KRT7: variants seen among roughly 807,000 people sequenced by gnomAD.
KRT7 encodes keratin 7, also known as keratin, type II cytoskeletal 7.
KRT7 carries 50 observed loss-of-function variants against 42.8 expected under a neutral mutation model. The observed-to-expected ratio is 1.17, with a 90% CI of 0.93 to 1.48. The LOEUF (loss-of-function observed/expected upper bound fraction) is 1.48, where lower values mean the gene tolerates loss of function less well. Among genes scored for constraint, KRT7 ranks in the 40% most tolerant of loss-of-function variants. The probability of loss-of-function intolerance (pLI) is 0.00; values close to 1 mark genes in which losing one functional copy is unlikely to be tolerated. For missense variants in KRT7, 588 were observed against 637.6 expected (o/e 0.92, Z 0.84); for synonymous variants, 268 against 266.3 (o/e 1.01, Z -0.06).
rs1485792364 is a variant in KRT7, at chr12:52,244,566, G to C, written c.985-846G>C. 3 of 985,696 alleles carry C rather than the reference G, an allele frequency of 3.0e-6. No individual in the cohort carries two copies. In the African/African-American group the frequency reaches 5.2e-5, roughly 17 times the overall value. The allele number at this position is 985,696 out of a possible 1,614,324, so 61.1% of individuals were successfully genotyped here. ...GAATGCTGTCTCTGGCAGAGAGGCA[G>C]ACTGCCTCCACTGAGGGAAGAGGAT... On this transcript the variant is annotated intron_variant, in intron 6 of 8. Coordinates refer to ENST00000331817, the MANE Select transcript of KRT7 (RefSeq NM_005556.4).
intron 3 of KRT7, 133 bp from the exon 4 acceptor site, chr12:52,238,547 A>C: frequency 1.5e-6 from 1 of 650,992 alleles, no homozygotes. Flanking sequence ...CAGCAGCTGT[A>C]GAAACTGTTT....
At chr12:52,253,798 A>C, downstream of KRT7, 1 of 635,346 alleles carries the variant, frequency 1.6e-6, no homozygotes, top group South Asian at 1.4e-5. Context: ...AGAGCTTCTT[A>C]GACCAGAGCC....
chr12:52,246,278 A>C, intron 7 of KRT7: 1 of 151,648 alleles, frequency 6.6e-6, no homozygotes, highest in Non-Finnish European at 1.5e-5. Flanking sequence ...TTCGAACTCA[A>C]CCTCTTCATT....
At chr12:52,236,291 T>TG (rs1480227925) in intron 2 of KRT7, among the ~76,000 whole-genome samples, 1 of 150,462 alleles carries the variant, frequency 6.6e-6, no homozygotes, top group Non-Finnish European at 1.5e-5. Context: ...AGGGAAGGTG[T>TG]GGGGCCATCA....
intron 6 of KRT7, 61 bp from the exon 7 acceptor site, chr12:52,245,351 G>T: frequency 1.3e-6 from 2 of 1,568,982 alleles, no homozygotes; most frequent in South Asian, 1.1e-5. Flanking sequence ...CTCACTGCAG[G>T]ATGGGCAGGC....
chr12:52,237,360 T>C, intron 2 of KRT7, 149 bp from the exon 3 acceptor site: 1 of 525,836 alleles, frequency 1.9e-6, no homozygotes, highest in Non-Finnish European at 3.4e-6. Flanking sequence ...CAGGGAAATT[T>C]GGTTTTGTAG....
At chr12:52,254,422 T>C (rs926729120), downstream of KRT7, 1 of 602,620 alleles carries the variant, frequency 1.7e-6, no homozygotes, top group Non-Finnish European at 3.2e-6. Flanking sequence ...AACCCTTGTT[T>C]TTTTCCTACC....
chr12:52,255,533 G>A (rs1394201215), downstream of KRT7: 8 of 430,412 alleles, frequency 1.9e-5, no homozygotes, highest in Non-Finnish European at 2.8e-5. Flanking sequence ...AAAAGTGTTG[G>A]ACTGAAGGGA....
chr12:52,236,205 C>CA (rs372503700), intron 2 of KRT7, among the ~76,000 whole-genome samples: 64 of 150,992 alleles, frequency 4.2e-4, no homozygotes, highest in South Asian at 1.5e-3. Context: ...GTGCCCCCCC[C>CA]CAACACTCCC....
chr12:52,251,568 G>C (rs986216278), downstream of KRT7, among the ~76,000 whole-genome samples: 24 of 152,206 alleles, frequency 1.6e-4, no homozygotes, highest in Non-Finnish European at 3.5e-4. Flanking sequence ...CTGTACTGAA[G>C]ACTAAAGGCA....
chr12:52,253,632 C>T (rs745994471), downstream of KRT7: 81 of 1,555,388 alleles, frequency 5.2e-5, no homozygotes, highest in Admixed American at 3.8e-4. Flanking sequence ...GGCCTCGGCC[C>T]GGCTGCGGGT....
At chr12:52,255,567 G>A (rs1942323743), downstream of KRT7, among the ~76,000 whole-genome samples, 1 of 152,168 alleles carries the variant, frequency 6.6e-6, no homozygotes, top group Non-Finnish European at 1.5e-5. Context: ...TTTCTTCTGG[G>A]CATTCAAACC....
intron 6 of KRT7, chr12:52,244,994 G>C (rs1364503869): frequency 5.1e-6 from 1 of 196,302 alleles, no homozygotes; most frequent in African/African-American, 2.4e-5. Context: ...TCCTGCAGCT[G>C]GGGGCTGGGG....
downstream of KRT7, chr12:52,251,632 A>G (rs1385855531): frequency 4.2e-6 from 1 of 239,722 alleles, no homozygotes; most frequent in Non-Finnish European, 8.2e-6. Flanking sequence ...AACCTAGGAA[A>G]GTAGAGTAAA....
intron 5 of KRT7, 56 bp from the exon 6 acceptor site, chr12:52,242,956 G>A (rs1942115477): frequency 6.5e-7 from 1 of 1,538,996 alleles, no homozygotes; most frequent in Middle Eastern, 1.8e-4. Flanking sequence ...AGAGGGATGA[G>A]TTACCTGTAC....
chr12:52,234,001 G>C (rs1249163816), intron 1 of KRT7, among the ~76,000 whole-genome samples: 1 of 152,152 alleles, frequency 6.6e-6, no homozygotes, highest in Non-Finnish European at 1.5e-5. Context: ...CCCTGAGAGA[G>C]GACCGTGTGG....
At chr12:52,254,346 G>T, downstream of KRT7, 1 of 841,640 alleles carries the variant, frequency 1.2e-6, no homozygotes. Flanking sequence ...GATTTGCGCA[G>T]GTAGGCACAG....
chr12:52,240,162 TAC>T (rs10604083), intron 4 of KRT7, among the ~76,000 whole-genome samples: 70,752 of 150,284 alleles, frequency 0.47, 16,728 homozygotes, highest in Non-Finnish European at 0.52. Context: ...CACACATGTG[TAC>T]ACACACACAC....
Position 52,243,089 on chromosome 12 carries a change from C to T in KRT7, c.936C>T (p.Asn312=), listed in dbSNP as rs1942117689. 3 of 1,613,844 alleles carry T rather than the reference C, an allele frequency of 1.9e-6. No individual in the cohort carries two copies. Residue 312 remains asparagine, a synonymous_variant, in exon 6 of 9, where the codon AAC becomes AAT. Coordinates refer to ENST00000331817, the MANE Select transcript of KRT7 (RefSeq NM_005556.4). ...CCCGGAATGAGATTTCAGAGATGAACCGGGCCATCCAGAGGCTGCAGGCTG... is the reference window on the plus strand; with the variant it reads ...CCCGGAATGAGATTTCAGAGATGAATCGGGCCATCCAGAGGCTGCAGGCTG... ...RNTRNEISEM[N]RAIQRLQAEI...
Sources: gnomAD v4.1 joint callset for allele counts (sites outside exome capture counted in the v4.1 genomes callset) on GRCh38, gnomAD v4.1.1 for gene constraint, MANE v1.5 for transcripts, NCBI Gene and HGNC (gene_info 2026-07-23, HGNC 2026-07-21) for gene names.